COL26A1: variants seen among roughly 807,000 people sequenced by gnomAD.
The protein encoded by COL26A1 is collagen alpha-1(XXVI) chain.
In COL26A1, 41 loss-of-function variants were observed where a neutral mutation model predicts 59.3. That is an observed-to-expected ratio of 0.69 (90% CI 0.54 to 0.90). The LOEUF (loss-of-function observed/expected upper bound fraction) is 0.90. Ranked by LOEUF, COL26A1 falls within the 40% of genes least tolerant of loss-of-function variation. The pLI is 0.00. For missense variants in COL26A1, 612 were observed against 602.3 expected (o/e 1.02, Z -0.17); for synonymous variants, 266 against 256.0 (o/e 1.04, Z -0.37).
intron 11 of COL26A1, 118 bp from the exon 12 acceptor site, chr7:101,555,669 C>T (rs542787188): frequency 5.6e-5 from 36 of 642,974 alleles, no homozygotes; most frequent in African/African-American, 2.0e-4. Context: ...GTGAGGGTGT[C>T]GGGTGGGAAG....
chr7:101,468,555 C>G (rs1002689437), intron 3 of COL26A1, among the ~76,000 whole-genome samples: 1 of 152,306 alleles, frequency 6.6e-6, no homozygotes, highest in Non-Finnish European at 1.5e-5. Context: ...GCCTCCGTAA[C>G]GACCCACTGA....
chr7:101,521,927 G>A (rs147070968), intron 3 of COL26A1, among the ~76,000 whole-genome samples: 2,210 of 152,050 alleles, frequency 0.015, 30 homozygotes, highest in Middle Eastern at 0.082. Flanking sequence ...TGTGAGACTC[G>A]TCCACACTGT....
chr7:101,399,849 T>A (rs1416076915), intron 1 of COL26A1, among the ~76,000 whole-genome samples: 1 of 152,202 alleles, frequency 6.6e-6, no homozygotes, highest in African/African-American at 2.4e-5. Flanking sequence ...AGTTGTTTCT[T>A]CCAATACACA....
At chr7:101,485,739 C>T (rs1475146233) in intron 3 of COL26A1, among the ~76,000 whole-genome samples, 1 of 152,102 alleles carries the variant, frequency 6.6e-6, no homozygotes, top group African/African-American at 2.4e-5. Context: ...CCTGTATGTG[C>T]TGGGGCTACA....
intron 4 of COL26A1, among the ~76,000 whole-genome samples, chr7:101,537,574 C>A (rs562292960): frequency 6.6e-6 from 1 of 152,290 alleles, no homozygotes; most frequent in Non-Finnish European, 1.5e-5. Flanking sequence ...CTGGCAGGGG[C>A]AGATTCCAAC....
chr7:101,508,083 A>G (rs1018955491), intron 3 of COL26A1, among the ~76,000 whole-genome samples: 15 of 152,158 alleles, frequency 9.9e-5, no homozygotes, highest in Non-Finnish European at 1.9e-4. Flanking sequence ...CTCCAGCCTC[A>G]TGTCTTCCAC....
chr7:101,451,193 A>G (rs1275869339), intron 3 of COL26A1, among the ~76,000 whole-genome samples: 1 of 143,460 alleles, frequency 7.0e-6, no homozygotes, highest in African/African-American at 2.5e-5. Context: ...TCAATAATTA[A>G]TATAATCTCA....
chr7:101,543,565 T>G lies in COL26A1; in HGVS notation c.605-433T>G, dbSNP rs150155789. 7.9e-3 allele frequency among the ~76,000 whole-genome samples: 1,203 copies of G among 152,038 alleles called. 7 individuals are homozygous for G. The highest frequency in any genetic ancestry group is 0.017 in the Middle Eastern group (5 of 294). On this transcript the variant is annotated intron_variant, in intron 5 of 12. Coordinates refer to ENST00000313669, the MANE Select transcript of COL26A1 (RefSeq NM_001278563.3). ...GTTTAGAGATCTGTAGCTGGGAAGA[T>G]CCATCCTTCAGGACCTCCTGGGGCC...
At chr7:101,398,358 C>T (rs1396290621) in intron 1 of COL26A1, among the ~76,000 whole-genome samples, 2 of 152,144 alleles carry the variant, frequency 1.3e-5, no homozygotes, top group East Asian at 3.9e-4. Flanking sequence ...TGGGATAAGA[C>T]CCCAGTTTCT....
chr7:101,435,726 G>A (rs1021376774), intron 2 of COL26A1, among the ~76,000 whole-genome samples: 5 of 152,206 alleles, frequency 3.3e-5, no homozygotes, highest in African/African-American at 9.6e-5. Flanking sequence ...CAGGGACTCG[G>A]GGGGTTAAGT....
intron 1 of COL26A1, among the ~76,000 whole-genome samples, chr7:101,382,821 A>C (rs1204054557): frequency 6.6e-6 from 1 of 152,090 alleles, no homozygotes; most frequent in Non-Finnish European, 1.5e-5. Context: ...TGAGGCGGGC[A>C]GACTGCTTGA....
intron 3 of COL26A1, among the ~76,000 whole-genome samples, chr7:101,494,041 G>A (rs980001128): frequency 6.6e-6 from 1 of 152,314 alleles, no homozygotes; most frequent in East Asian, 1.9e-4. Context: ...AGAAATGAGC[G>A]GGAAAGGTAT....
rs1791525218 is a variant in COL26A1, at chr7:101,384,621, A to G, written c.158+21431A>G. 2.0e-5 allele frequency among the ~76,000 whole-genome samples: 3 copies of G among 152,148 alleles called. No homozygotes were observed. The South Asian group carries it at 6.2e-4, about 32-fold the overall frequency. ...CAGGCATGAGCTATTGCACCTGGCCAGTGGAGACTCTTATAGTCTTCCAAT... is the reference window on the plus strand; with the variant it reads ...CAGGCATGAGCTATTGCACCTGGCCGGTGGAGACTCTTATAGTCTTCCAAT... On this transcript the variant is annotated intron_variant, in intron 1 of 12. Transcript: ENST00000313669.
chr7:101,557,532 A>G lies in COL26A1; in HGVS notation c.*2A>G, dbSNP rs753961686. On this transcript the variant is annotated 3_prime_UTR_variant, in exon 13 of 13. Transcript: ENST00000313669. ...GACCAGGCCAGCAGCAGGAAGTGAG[A>G]GCCCACTGCTCCAGGACACCCTGTC... 1 of 1,604,608 alleles carries G rather than the reference A, an allele frequency of 6.2e-7. No homozygotes were observed. Among genetic ancestry groups the G allele is most frequent in the South Asian group, 1.1e-5 (1 of 90,640 alleles).
chr7:101,462,385 C>T (rs184387432), intron 3 of COL26A1, among the ~76,000 whole-genome samples: 194 of 151,574 alleles, frequency 1.3e-3, no homozygotes, highest in Middle Eastern at 0.01. Context: ...GGTGCCATCT[C>T]GGCTCACTGC....
chr7:101,367,976 TCTC>T (rs1328709777), intron 1 of COL26A1, among the ~76,000 whole-genome samples: 3 of 96,670 alleles, frequency 3.1e-5, no homozygotes, highest in Non-Finnish European at 5.9e-5. Flanking sequence ...TGTCTACAAG[TCTC>T]CTCCACTGTC....
intron 3 of COL26A1, among the ~76,000 whole-genome samples, chr7:101,502,365 A>T (rs1349034480): frequency 6.6e-6 from 1 of 152,174 alleles, no homozygotes; most frequent in Non-Finnish European, 1.5e-5. Context: ...AACAAACAAC[A>T]ACAACAACAA....
chr7:101,486,684 G>T (rs999569922), intron 3 of COL26A1, among the ~76,000 whole-genome samples: 1 of 152,236 alleles, frequency 6.6e-6, no homozygotes, highest in Admixed American at 6.5e-5. Context: ...ATGCCAACAC[G>T]CCTTTTATTA....
intron 2 of COL26A1, among the ~76,000 whole-genome samples, chr7:101,422,424 C>G (rs1447463608): frequency 7.0e-6 from 1 of 143,288 alleles, no homozygotes; most frequent in Non-Finnish European, 1.5e-5. Flanking sequence ...AGGGTACAGA[C>G]ACTCCCTATC....
Sources: allele counts gnomAD v4.1 joint callset (sites outside exome capture counted in the v4.1 genomes callset), GRCh38; gene constraint gnomAD v4.1.1; transcripts MANE v1.5; gene names NCBI Gene and HGNC (gene_info 2026-07-23, HGNC 2026-07-21).